MGAT4C: variants seen among roughly 807,000 people sequenced by gnomAD.
The protein encoded by MGAT4C is alpha-1,3-mannosyl-glycoprotein 4-beta-N-acetylglucosaminyltransferase C.
MGAT4C carries 19 observed loss-of-function variants against 40.1 expected under a neutral mutation model. That is an observed-to-expected ratio of 0.47 (90% CI 0.33 to 0.70). The LOEUF (loss-of-function observed/expected upper bound fraction) is 0.70. Ranked by LOEUF, MGAT4C falls within the 30% of genes least tolerant of loss-of-function variation. The probability of loss-of-function intolerance (pLI) is 0.02; values close to 1 mark genes in which losing one functional copy is unlikely to be tolerated. For missense variants in MGAT4C, 491 were observed against 563.2 expected, an observed-to-expected ratio of 0.87 and a Z score of 1.30; for synonymous variants, 181 against 187.1, an observed-to-expected ratio of 0.97 and a Z score of 0.27.
chr12:86,168,253 A>G (rs902293599), intron 1 of MGAT4C, among the ~76,000 whole-genome samples: 5 of 152,174 alleles, frequency 3.3e-5, no homozygotes, highest in Non-Finnish European at 2.9e-5. Flanking sequence ...TTTAGTCTCA[A>G]CTGGGACACT....
intron 2 of MGAT4C, among the ~76,000 whole-genome samples, chr12:86,497,360 T>C (rs1958255339): frequency 6.6e-6 from 1 of 151,826 alleles, no homozygotes; most frequent in Non-Finnish European, 1.5e-5. Context: ...GGAGAAGAAA[T>C]TGAATATAGA....
chr12:86,251,816 A>T (rs1376136533), intron 1 of MGAT4C, among the ~76,000 whole-genome samples: 1 of 152,016 alleles, frequency 6.6e-6, no homozygotes, highest in Non-Finnish European at 1.5e-5. Flanking sequence ...ATTTACCTAG[A>T]CAACCTTTAT....
intron 3 of MGAT4C, among the ~76,000 whole-genome samples, chr12:86,377,022 A>G (rs1955840791): frequency 6.6e-6 from 1 of 151,834 alleles, no homozygotes; most frequent in Non-Finnish European, 1.5e-5. Flanking sequence ...TTTTTGTTAA[A>G]AGAAACAAAA....
intron 2 of MGAT4C, among the ~76,000 whole-genome samples, chr12:86,715,750 A>T (rs1950635957): frequency 6.6e-6 from 1 of 152,088 alleles, no homozygotes; most frequent in Non-Finnish European, 1.5e-5. Context: ...CTTTAGCTAG[A>T]CTTATTTGAT....
chr12:86,485,232 C>G (rs1361435817), intron 2 of MGAT4C, among the ~76,000 whole-genome samples: 1 of 152,146 alleles, frequency 6.6e-6, no homozygotes, highest in Non-Finnish European at 1.5e-5. Flanking sequence ...AGCAATGTTT[C>G]TTAACCAGAC....
At chr12:86,825,129 T>C (rs558612451) in intron 1 of MGAT4C, among the ~76,000 whole-genome samples, 2 of 151,208 alleles carry the variant, frequency 1.3e-5, no homozygotes, top group East Asian at 2.0e-4. Flanking sequence ...GGTGAAGAAA[T>C]AGAAGGTATG....
chr12:86,803,101 A>G (rs938977149), intron 1 of MGAT4C, among the ~76,000 whole-genome samples: 3 of 146,596 alleles, frequency 2.0e-5, no homozygotes, highest in Non-Finnish European at 4.6e-5. Context: ...AGCCCTCATA[A>G]ATAATGCCGC....
At chr12:86,153,441 G>A (rs1248823997) in intron 1 of MGAT4C, among the ~76,000 whole-genome samples, 16 of 152,142 alleles carry the variant, frequency 1.1e-4, no homozygotes, top group Admixed American at 1.0e-3. Flanking sequence ...CATCTCATGT[G>A]TTCAGTTATA....
chr12:86,708,556 C>A (rs1950502832), intron 2 of MGAT4C, among the ~76,000 whole-genome samples: 1 of 152,150 alleles, frequency 6.6e-6, no homozygotes, highest in Admixed American at 6.5e-5. Flanking sequence ...CCACTGACAG[C>A]TTGCATGGTG....
At chr12:86,011,093 C>A (rs1446390917) in intron 2 of MGAT4C, among the ~76,000 whole-genome samples, 1 of 152,096 alleles carries the variant, frequency 6.6e-6, no homozygotes, top group Non-Finnish European at 1.5e-5. Context: ...CAACAGAAAA[C>A]ACACCAACAC....
chr12:86,205,068 T>C lies in MGAT4C; in HGVS notation c.-57+51171A>G, dbSNP rs112964591. Among the ~76,000 whole-genome samples the C allele has an allele frequency of 3.4e-3, 521 of 152,074 alleles. 3 individuals carry two copies. The highest frequency in any genetic ancestry group is 0.012 in the African/African-American group (507 of 41,556). On this transcript the variant is annotated intron_variant, in intron 1 of 4. Coordinates refer to ENST00000611864, the MANE Select transcript of MGAT4C (RefSeq NM_001351288.2). ...CAGTACAGTAACTCTATTCTACATG[T>C]ATATAAAAATAAAAATGTAAAAATT...
intron 2 of MGAT4C, among the ~76,000 whole-genome samples, chr12:86,505,758 G>A (rs543998008): frequency 2.0e-5 from 3 of 152,138 alleles, no homozygotes; most frequent in African/African-American, 7.2e-5. Context: ...AGATAGAAAT[G>A]TATTTCTCTA....
chr12:86,164,326 A>G (rs560886637), intron 1 of MGAT4C, among the ~76,000 whole-genome samples: 2 of 152,196 alleles, frequency 1.3e-5, no homozygotes, highest in Non-Finnish European at 2.9e-5. Context: ...GTGATGTCCA[A>G]TATCTTTAAA....
chr12:86,377,689 T>C (rs1466627929), intron 3 of MGAT4C, among the ~76,000 whole-genome samples: 2 of 152,210 alleles, frequency 1.3e-5, no homozygotes, highest in East Asian at 1.9e-4. Flanking sequence ...ATTTTTAATG[T>C]TGTACAATAT....
intron 2 of MGAT4C, among the ~76,000 whole-genome samples, chr12:86,000,244 G>C (rs183484228): frequency 1.5e-3 from 222 of 151,916 alleles, no homozygotes; most frequent in African/African-American, 5.2e-3. Flanking sequence ...AAATAAAAAT[G>C]ACAAAAGTAA....
rs1452427065 is a variant in MGAT4C, at chr12:85,957,835, T to G, written c.*21454A>C. The G allele has an allele frequency of 1.4e-5, 1 of 73,016 alleles. No homozygotes were observed. The highest frequency in any genetic ancestry group is 1.3e-4 in the Admixed American group (1 of 7,602). 4.5% of individuals were successfully genotyped at this position (73,016 alleles called of 1,614,324 possible). ...TAGTTTAAGATATTAAATAATTAAA[T>G]AGGTAATGGGAACCACCTTTATTTA... is the stretch of plus-strand genomic sequence containing the variant. On this transcript the variant is annotated 3_prime_UTR_variant, in exon 5 of 5. Coordinates refer to ENST00000611864, the MANE Select transcript of MGAT4C (RefSeq NM_001351288.2).
chr12:86,784,203 C>T (rs1951893399), intron 1 of MGAT4C, among the ~76,000 whole-genome samples: 1 of 152,012 alleles, frequency 6.6e-6, no homozygotes, highest in South Asian at 2.1e-4. Flanking sequence ...ACTATTCTTC[C>T]ACCCAAAGAC....
rs547512543 is a variant in MGAT4C at position 86,409,866 on chromosome 12, C to T, written c.-120+25291G>A. Among the ~76,000 whole-genome samples the T allele has an allele frequency of 9.3e-4, 142 of 152,056 alleles. 2 individuals carry two copies. In the South Asian group the frequency reaches 0.019, roughly 20 times the overall value. ...ATTTCGATTTTCCCTAAGTGTTGGC[C>T]GATCTGAGAAATAAAGAGAAAGAAT... is the stretch of plus-strand genomic sequence containing the variant. On this transcript the variant is annotated intron_variant, in intron 3 of 7. Transcript: ENST00000548651.
intron 2 of MGAT4C, among the ~76,000 whole-genome samples, chr12:86,550,944 T>G (rs1177157611): frequency 6.6e-6 from 1 of 152,182 alleles, no homozygotes; most frequent in Non-Finnish European, 1.5e-5. Flanking sequence ...TGTGGGTGCC[T>G]ATAATCAGGG....
Sources: allele counts gnomAD v4.1 joint callset (sites outside exome capture counted in the v4.1 genomes callset), GRCh38; gene constraint gnomAD v4.1.1; transcripts MANE v1.5; gene names NCBI Gene and HGNC (gene_info 2026-07-23, HGNC 2026-07-21).